Variants in USP19 observed in about 807,000 individuals in gnomAD.
The protein encoded by USP19 is ubiquitin specific peptidase 19, also known as ubiquitin carboxyl-terminal hydrolase 19.
A neutral mutation model predicts 144.8 loss-of-function variants in USP19; 40 were observed. That is an observed-to-expected ratio of 0.28 (90% confidence interval 0.21 to 0.36). The LOEUF is 0.36. Among genes scored for constraint, USP19 ranks in the 10% least tolerant of loss-of-function variants. The pLI is 1.00. For synonymous variants in USP19, 701 were observed against 709.3 expected, an observed-to-expected ratio of 0.99 and a Z score of 0.19; for missense variants, 1,518 against 1,822.5, an observed-to-expected ratio of 0.83 and a Z score of 3.04.
In USP19 at chr3:49,115,423, G is replaced by C; in HGVS notation, c.1888+21C>G. 6.2e-7 allele frequency: 1 copy of C among 1,613,770 alleles called. No individual in the cohort carries two copies. The highest frequency in any genetic ancestry group is 2.2e-5 in the East Asian group (1 of 44,882). ...AGGCACTCTCTCTGCCCATAACCCA[G>C]GCTCCAGGCCCTGCCCTCACCATGG... On this transcript the variant is annotated intron_variant, in intron 12 of 26. Coordinates refer to ENST00000417901, the MANE Select transcript of USP19 (RefSeq NM_001199161.2). The surrounding 1 kb of genome is among the most constrained non-coding windows in gnomAD (Gnocchi z 6.6).
chr3:49,117,919 A>G lies in USP19; in HGVS notation c.298+28T>C, dbSNP rs2044442408. 9 of 1,612,804 alleles carry G rather than the reference A, an allele frequency of 5.6e-6. No homozygotes were observed. The highest frequency in any genetic ancestry group is 7.6e-6 in the Non-Finnish European group (9 of 1,179,728). On this transcript the variant is annotated intron_variant, in intron 3 of 26. Transcript: ENST00000417901. This position sits in a 1 kb window ranked among gnomAD's most constrained non-coding sequence, Gnocchi z 4.4. ...TTGCAAGTGCCCCCTCCCCTTCCCT[A>G]GCAACAAAAAGCCCATTCGTTACTG...
chr3:49,108,502 C>A lies in USP19; in HGVS notation c.4065G>T (p.Glu1355Asp). Residue 1355 changes from glutamate to aspartate, a missense_variant, in exon 27 of 27, where the codon GAG (glutamate) becomes GAT (aspartate). Physicochemically the swap from Glu to Asp is conservative, Grantham distance 45. Coordinates refer to ENST00000417901, the MANE Select transcript of USP19 (RefSeq NM_001199161.2). The surrounding 1 kb of genome is among the most constrained non-coding windows in gnomAD (Gnocchi z 4.8). ...CAGGGGCTGTCCGCGTGGGGGCCAC[C>A]TCGGGGGCCTGGCCAGGGCCTAGTC... ...SQGLGPGQAP[E>D]VAPTRTAPER... 8.0e-7 allele frequency: 1 copy of A among 1,256,108 alleles called. No individual in the cohort carries two copies. 77.8% of individuals were successfully genotyped at this position (1,256,108 alleles called of 1,614,324 possible).
chr3:49,114,016 C>T lies in USP19; in HGVS notation c.2481G>A (p.Lys827=), dbSNP rs769513065. The T allele has an allele frequency of 1.9e-6, 3 of 1,614,228 alleles. No homozygotes were observed. The highest frequency in any genetic ancestry group is 2.5e-6 in the Non-Finnish European group (3 of 1,180,048). Residue 827 remains lysine (K), a synonymous_variant, in exon 17 of 27, where the codon AAG becomes AAA. Coordinates refer to ENST00000417901, the MANE Select transcript of USP19 (RefSeq NM_001199161.2). The surrounding 1 kb of genome is among the most constrained non-coding windows in gnomAD (Gnocchi z 4.5). ...CCTCCGCCAAACGCAGGTTCTCAGG[C>T]TTCACATGAACACTCTGAGAGAGGG... ...LDSLSQSVHV[K]PENLRLAEVI... is the part of the protein sequence containing the mutation.
chr3:49,117,224 G>C lies in USP19; in HGVS notation c.744C>G (p.Ala248=). 6.5e-7 allele frequency: 1 copy of C among 1,549,526 alleles called. No individual in the cohort carries two copies. The highest frequency in any genetic ancestry group is 1.2e-5 in the South Asian group (1 of 84,968). ...CTGCGCCTACCTCACCACGGCCCTG[G>C]GCCCGCTTCTGGTTCCGGGCCTCCT... The part of the protein sequence containing the change: ...AKQEARNQKR[A]QGRGEVGAGA... The change falls in exon 6 of 27, where the codon GCC becomes GCG. Residue 248 remains alanine (A), a synonymous_variant. Coordinates refer to ENST00000417901, the MANE Select transcript of USP19 (RefSeq NM_001199161.2). The surrounding 1 kb of genome is among the most constrained non-coding windows in gnomAD (Gnocchi z 4.4).
chr3:49,118,973 A>C, intron 2 of USP19, 49 bp downstream of exon 2: 1 of 1,612,580 alleles, frequency 6.2e-7, no homozygotes, highest in South Asian at 1.1e-5. Context: ...TATACCAATA[A>C]GATGGGAGGC....
chr3:49,110,569 T>C lies in USP19; in HGVS notation c.3734A>G (p.Lys1245Arg). 6.2e-7 allele frequency: 1 copy of C among 1,614,010 alleles called. No individual in the cohort carries two copies. Among genetic ancestry groups the C allele is most frequent in the Non-Finnish European group, 8.5e-7 (1 of 1,180,016 alleles). Reference sequence around the variant, plus strand: ...ATCGTAGCTGGGCAGCTGCTCCTCTTTCTGACCAATGCAGAACTTGCTCAG... The same window carrying C: ...ATCGTAGCTGGGCAGCTGCTCCTCTCTCTGACCAATGCAGAACTTGCTCAG... ...LDLSKFCIGQKEEQLPSYDLY... is the reference protein window; with the variant it reads ...LDLSKFCIGQREEQLPSYDLY... The change falls in exon 25 of 27, where the codon AAA becomes AGA. Residue 1245 changes from lysine to arginine, a missense_variant. By Grantham distance (26) the Lys-to-Arg change is conservative (BLOSUM62 2). Coordinates refer to ENST00000417901, the MANE Select transcript of USP19 (RefSeq NM_001199161.2). The surrounding 1 kb of genome is among the most constrained non-coding windows in gnomAD (Gnocchi z 6.1).
Position 49,119,180 on chromosome 3 carries a change from G to T in USP19, c.-35C>A. On this transcript the variant is annotated 5_prime_UTR_variant, in exon 2 of 27. Coordinates refer to ENST00000417901, the MANE Select transcript of USP19 (RefSeq NM_001199161.2). Reference sequence around the variant, plus strand: ...CTTGGTCGACAGCCAGAGTGCCCCGGGGTCGGCAACAGCGTCTGGGTCAGG... The same window carrying T: ...CTTGGTCGACAGCCAGAGTGCCCCGTGGTCGGCAACAGCGTCTGGGTCAGG... 1 of 1,600,106 alleles carries T rather than the reference G, an allele frequency of 6.2e-7. No homozygotes were observed.
Position 49,117,631 on chromosome 3 carries a change from A to G in USP19, c.472+26T>C, listed in dbSNP as rs763661616. 6.2e-7 allele frequency: 1 copy of G among 1,614,082 alleles called. No individual in the cohort carries two copies. The highest frequency in any genetic ancestry group is 1.1e-5 in the South Asian group (1 of 91,086). On this transcript the variant is annotated intron_variant, in intron 4 of 26. Transcript: ENST00000417901. This position sits in a 1 kb window ranked among gnomAD's most constrained non-coding sequence, Gnocchi z 4.4. ...AGATATCAGAAGATTCAAACATACT[A>G]CTGTGCTCAGGGCAGATGGACACAC...
Position 49,108,610 on chromosome 3 carries a change from G to T in USP19, c.4039-82C>A. ...CCGGGGGTGCTGGCTTGGAGCCCTGGCACCCAAGGGAGGGTCCCAAGGCAG... is the reference window on the plus strand; with the variant it reads ...CCGGGGGTGCTGGCTTGGAGCCCTGTCACCCAAGGGAGGGTCCCAAGGCAG... On this transcript the variant is annotated intron_variant, in intron 26 of 26. Coordinates refer to ENST00000417901, the MANE Select transcript of USP19 (RefSeq NM_001199161.2). This position sits in a 1 kb window ranked among gnomAD's most constrained non-coding sequence, Gnocchi z 4.8. 5.6e-6 allele frequency: 7 copies of T among 1,241,450 alleles called. No individual in the cohort carries two copies. The highest frequency in any genetic ancestry group is 7.1e-6 in the Non-Finnish European group (7 of 985,540). The allele number at this position is 1,241,450 out of a possible 1,614,324, so 76.9% of individuals were successfully genotyped here.
rs985322141 is a variant in USP19, at chr3:49,117,239, C to G, written c.729G>C (p.Arg243=). The change falls in exon 6 of 27, where the codon CGG becomes CGC. Residue 243 remains arginine, a synonymous_variant. Transcript: ENST00000417901. This position sits in a 1 kb window ranked among gnomAD's most constrained non-coding sequence, Gnocchi z 4.4. ...PEPHRAKQEA[R]NQKRAQGRGE... is the part of the protein sequence containing the mutation. ...CACGGCCCTGGGCCCGCTTCTGGTT[C>G]CGGGCCTCCTGCTTAGCCCGGTGGG... 64 of 1,553,568 alleles carry G rather than the reference C, an allele frequency of 4.1e-5. 2 individuals carry two copies.
In USP19 at chr3:49,110,448, G is replaced by A. The variant is rs373174972; in HGVS notation, c.3855C>T (p.Asp1285=). The stretch of plus-strand genomic sequence containing the variant: ...GCTGGCTGTGTGTGCCCTCACCCAC[G>A]TCACTGCGCTGACTGCTACGATCAT... The part of the protein sequence containing the change: ...LPNDRSSQRS[D]VGWRLFDDST... The change falls in exon 25 of 27, where the codon GAC becomes GAT. Residue 1285 remains aspartate (D), a synonymous_variant. Coordinates refer to ENST00000417901, the MANE Select transcript of USP19 (RefSeq NM_001199161.2). The surrounding 1 kb of genome is among the most constrained non-coding windows in gnomAD (Gnocchi z 6.1). The A allele has an allele frequency of 8.1e-6, 13 of 1,613,784 alleles. No homozygotes were observed. In the Admixed American group the frequency reaches 1.0e-4, roughly 12 times the overall value.
In USP19 at chr3:49,114,374, G is replaced by A; in HGVS notation, c.2293-90C>T. On this transcript the variant is annotated intron_variant, in intron 15 of 26. Coordinates refer to ENST00000417901, the MANE Select transcript of USP19 (RefSeq NM_001199161.2). This position sits in a 1 kb window ranked among gnomAD's most constrained non-coding sequence, Gnocchi z 4.5. ...GAGAGCCCATTCCGGGGCTTCTGAT[G>A]GCTCTCAGGGCCCCCACAGCCAACC... 7.9e-7 allele frequency: 1 copy of A among 1,264,368 alleles called. No individual in the cohort carries two copies. The highest frequency in any genetic ancestry group is 2.1e-5 in the Admixed American group (1 of 47,498). 78.3% of individuals were successfully genotyped at this position (1,264,368 alleles called of 1,614,324 possible). A position where few individuals can be genotyped will look rare whatever the true frequency, so the allele number is the denominator to read the frequency against.
chr3:49,114,308 G>A lies in USP19; in HGVS notation c.2293-24C>T. On this transcript the variant is annotated intron_variant, in intron 15 of 26. Transcript: ENST00000417901. The surrounding 1 kb of genome is among the most constrained non-coding windows in gnomAD (Gnocchi z 4.5). ...ACCTGTGGATGTAGAGGTGGCACTG[G>A]GTAGCTGCACACAGAGTGGGAGATA... 6.2e-7 allele frequency: 1 copy of A among 1,605,092 alleles called. No individual in the cohort carries two copies. The highest frequency in any genetic ancestry group is 8.5e-7 in the Non-Finnish European group (1 of 1,172,024).
rs374672727 is a variant in USP19 at position 49,116,582 on chromosome 3, C to T, written c.1152G>A (p.Ala384=). The part of the protein sequence containing the change: ...VDEPESMVNL[A]FVKNDSYEKG... ...TCTCATACGAGTCATTCTTGACAAA[C>T]GCCAGGTTCACCATCGACTCGGGCT... Residue 384 remains alanine (A), a synonymous_variant, in exon 8 of 27, where the codon GCG becomes GCA. Coordinates refer to ENST00000417901, the MANE Select transcript of USP19 (RefSeq NM_001199161.2). The surrounding 1 kb of genome is among the most constrained non-coding windows in gnomAD (Gnocchi z 5.0). The T allele has an allele frequency of 1.1e-5, 18 of 1,614,072 alleles. No homozygotes were observed. Among genetic ancestry groups the T allele is most frequent in the African/African-American group, 6.7e-5 (5 of 74,914 alleles).
chr3:49,117,720 G>A lies in USP19; in HGVS notation c.409C>T (p.Pro137Ser), dbSNP rs757041891. ...GCATCTACATCCTCCAGCTGCAGGG[G>A]ACCTACTCCCACACGAAGCTTGACA... Reference protein sequence around the residue: ...VIVKLRVGVGPLQLEDVDAAF... With the variant: ...VIVKLRVGVGSLQLEDVDAAF... The change falls in exon 4 of 27, where the codon CCC becomes TCC. Residue 137 changes from proline to serine, a missense_variant. By Grantham distance (74) the Pro-to-Ser change is moderately conservative. Transcript: ENST00000417901. The surrounding 1 kb of genome is among the most constrained non-coding windows in gnomAD (Gnocchi z 4.4). The A allele has an allele frequency of 2.5e-6, 4 of 1,614,036 alleles. No homozygotes were observed. In the African/African-American group the frequency reaches 5.3e-5, roughly 22 times the overall value.
Position 49,115,217 on chromosome 3 carries a change from T to C in USP19, c.2022+11A>G. On this transcript the variant is annotated intron_variant, in intron 13 of 26. Coordinates refer to ENST00000417901, the MANE Select transcript of USP19 (RefSeq NM_001199161.2). This position sits in a 1 kb window ranked among gnomAD's most constrained non-coding sequence, Gnocchi z 6.6. ...CCCCTCCAGCCAAGGGTGACAGTGG[T>C]CACAGATCACCTTCAACTTGGAAGG... 6.2e-7 allele frequency: 1 copy of C among 1,613,674 alleles called. No individual in the cohort carries two copies. The highest frequency in any genetic ancestry group is 8.5e-7 in the Non-Finnish European group (1 of 1,179,936).
chr3:49,114,119 G>A lies in USP19; in HGVS notation c.2404-26C>T. On this transcript the variant is annotated intron_variant, in intron 16 of 26. Coordinates refer to ENST00000417901, the MANE Select transcript of USP19 (RefSeq NM_001199161.2). This position sits in a 1 kb window ranked among gnomAD's most constrained non-coding sequence, Gnocchi z 4.5. ...CTGTGGCAAAAAGGGCAGTCAGTGAGGGAGGTGGGCCACGTTCTCTAGAAC... is the reference window on the plus strand; with the variant it reads ...CTGTGGCAAAAAGGGCAGTCAGTGAAGGAGGTGGGCCACGTTCTCTAGAAC... 6.2e-7 allele frequency: 1 copy of A among 1,614,216 alleles called. No homozygotes were observed. Among genetic ancestry groups the A allele is most frequent in the Non-Finnish European group, 8.5e-7 (1 of 1,180,022 alleles).
chr3:49,109,132 C>T (rs970216198), intron 26 of USP19: 3 of 1,538,106 alleles, frequency 2.0e-6, no homozygotes, highest in Non-Finnish European at 2.6e-6. Context: ...GGGGCCCAGA[C>T]CCCTCAGGCA....
rs1462141394 is a variant in USP19, at chr3:49,111,245, C to T, written c.3328+10G>A. 1 of 1,614,158 alleles carries T rather than the reference C, an allele frequency of 6.2e-7. No homozygotes were observed. Among genetic ancestry groups the T allele is most frequent in the Non-Finnish European group, 8.5e-7 (1 of 1,180,016 alleles). ...CCCACCCCATGGCTCCCACCCACAG[C>T]CTCAGACACCTTTGTCCTCTAGCCG... is the stretch of plus-strand genomic sequence containing the variant. On this transcript the variant is annotated intron_variant, in intron 22 of 26. Transcript: ENST00000417901. The surrounding 1 kb of genome is among the most constrained non-coding windows in gnomAD (Gnocchi z 5.9).
Sources: gnomAD v4.1 joint callset for allele counts on GRCh38, gnomAD v4.1.1 for gene constraint, Gnocchi (gnomAD v3.1) non-coding constraint, MANE v1.5 for transcripts, NCBI Gene and HGNC (gene_info 2026-07-23, HGNC 2026-07-21) for gene names.